The following BRCA1 variants were observed in gnomAD, a reference collection of about 807,000 sequenced individuals.
BRCA1 encodes breast cancer type 1 susceptibility protein.
A neutral mutation model predicts 173.7 loss-of-function variants in BRCA1; 140 were observed. That is an observed-to-expected ratio of 0.81 (90% CI 0.70 to 0.93). The LOEUF (loss-of-function observed/expected upper bound fraction) is 0.93. Among genes scored for constraint, BRCA1 ranks in the 40% least tolerant of loss-of-function variants. The pLI is 0.00. For missense variants in BRCA1, 1,983 were observed against 2,172.5 expected (o/e 0.91, Z 1.73); for synonymous variants, 662 against 756.0 (o/e 0.88, Z 2.04).
chr17:43,162,738 T>A (rs1483608099), intron 1 of BRCA1: 1 of 152,094 alleles, frequency 6.6e-6, no homozygotes, highest in Non-Finnish European at 1.5e-5. Context: ...CGCAATGAGT[T>A]TTCTCATGCT....
chr17:43,100,529 TATATA>T (rs2054339247), intron 6 of BRCA1, among the ~76,000 whole-genome samples: 10 of 104,166 alleles, frequency 9.6e-5, no homozygotes, highest in Non-Finnish European at 2.0e-4. Context: ...TGTGTGTATA[TATATA>T]TACATATATA....
intron 1 of BRCA1, 83 bp downstream of exon 1, chr17:43,125,188 G>A (rs1406994561): frequency 4.5e-6 from 2 of 449,136 alleles, no homozygotes; most frequent in African/African-American, 4.3e-5. Context: ...ATACCCATCT[G>A]TCAGCTTCGG....
chr17:43,080,424 C>G (rs2052950901), intron 12 of BRCA1, among the ~76,000 whole-genome samples: 1 of 152,096 alleles, frequency 6.6e-6, no homozygotes, highest in Non-Finnish European at 1.5e-5. Context: ...CTCGAGCTCC[C>G]GACCTCAGGT....
rs8176246 is a variant in BRCA1 at position 43,065,094 on chromosome 17, C to T, written c.5075-1143G>A. ...ATCTGCCCGCCTTGGCCCCCCAAAGCGCTGGGATTACAGGCCTGAGCCACC... is the reference window on the plus strand; with the variant it reads ...ATCTGCCCGCCTTGGCCCCCCAAAGTGCTGGGATTACAGGCCTGAGCCACC... On this transcript the variant is annotated intron_variant, in intron 16 of 22. Coordinates refer to ENST00000357654, the MANE Select transcript of BRCA1 (RefSeq NM_007294.4). 3.0e-3 allele frequency among the ~76,000 whole-genome samples: 456 copies of T among 152,174 alleles called. 10 individuals carry two copies. In the East Asian group the frequency reaches 0.045, roughly 15 times the overall value.
intron 11 of BRCA1, among the ~76,000 whole-genome samples, chr17:43,085,359 C>CA (rs1195977234): frequency 0.018 from 2,507 of 139,184 alleles, 27 homozygotes; most frequent in Non-Finnish European, 0.024. Flanking sequence ...AACTCTGTCT[C>CA]AAAAAAAAAA....
intron 14 of BRCA1, among the ~76,000 whole-genome samples, chr17:43,073,633 C>T (rs2052551834): frequency 6.7e-6 from 1 of 150,170 alleles, no homozygotes; most frequent in African/African-American, 2.4e-5. Context: ...TATTCATTAA[C>T]TCATAAAAAA....
intron 10 of BRCA1, 68 bp from the exon 11 acceptor site, chr17:43,091,100 T>C: frequency 7.3e-7 from 1 of 1,377,868 alleles, no homozygotes; most frequent in South Asian, 1.2e-5. Flanking sequence ...GCTGTGTCTT[T>C]TTCTTCTCAT....
chr17:43,060,315 T>C (rs2051692381), intron 18 of BRCA1, among the ~76,000 whole-genome samples: 1 of 152,088 alleles, frequency 6.6e-6, no homozygotes, highest in Non-Finnish European at 1.5e-5. Flanking sequence ...GTGCTGGGAT[T>C]ACAGGAATGA....
At chr17:43,113,418 GT>G (rs1250874176) in intron 3 of BRCA1, among the ~76,000 whole-genome samples, 1 of 151,754 alleles carries the variant, frequency 6.6e-6, no homozygotes, top group East Asian at 1.9e-4. Context: ...TCAGGCTGGA[GT>G]GCATTGGCAT....
intron 11 of BRCA1, among the ~76,000 whole-genome samples, chr17:43,082,929 T>G (rs1371991600): frequency 1.3e-5 from 2 of 152,202 alleles, no homozygotes; most frequent in Non-Finnish European, 2.9e-5. Flanking sequence ...TCTGTTAACA[T>G]TTTATTTATA....
At chr17:43,165,736 T>C (rs1451608166) in intron 1 of BRCA1, 1 of 151,750 alleles carries the variant, frequency 6.6e-6, no homozygotes, top group East Asian at 1.9e-4. Flanking sequence ...TTTCCTTTTT[T>C]TTTTCGAAGA....
At chr17:43,095,638 G>A (rs2054099854) in intron 9 of BRCA1, among the ~76,000 whole-genome samples, 1 of 151,548 alleles carries the variant, frequency 6.6e-6, no homozygotes. Context: ...ATCAGTTACA[G>A]AAGGTCTTAT....
At chr17:43,046,581 T>C (rs1449222217) in intron 22 of BRCA1, among the ~76,000 whole-genome samples, 1 of 151,616 alleles carries the variant, frequency 6.6e-6, no homozygotes, top group African/African-American at 2.4e-5. Context: ...TTAGTATTTT[T>C]AGTAGAGATG....
intron 6 of BRCA1, among the ~76,000 whole-genome samples, chr17:43,100,667 TATATATATATA>T (rs2054404049): frequency 1.8e-4 from 6 of 34,242 alleles, no homozygotes; most frequent in African/African-American, 6.5e-4. Flanking sequence ...CATATATATA[TATATATATATA>T]ATATATATAT....
chr17:43,154,418 A>G (rs1186546605), intron 1 of BRCA1, among the ~76,000 whole-genome samples: 1 of 151,788 alleles, frequency 6.6e-6, no homozygotes, highest in Non-Finnish European at 1.5e-5. Context: ...TGGGAGGCGC[A>G]GGTTGCAGTG....
chr17:43,148,335 C>A, intron 1 of BRCA1: 1 of 161,860 alleles, frequency 6.2e-6, no homozygotes, highest in Non-Finnish European at 1.3e-5. Context: ...GAGTGTTATG[C>A]GCATCCATGT....
Position 43,082,455 on chromosome 17 carries a change from A to G in BRCA1, c.4306T>C (p.Ser1436Pro). Residue 1436 changes from serine (S) to proline (P), a missense_variant, in exon 12 of 23, where the codon TCT (serine) becomes CCT (proline). Coordinates refer to ENST00000357654, the MANE Select transcript of BRCA1 (RefSeq NM_007294.4). ...TTTCGCAGGTCCTCAAGGGCAGAAG[A>G]GTCACTTATGATGGAAGGGTAGCTG... ...SNSYPSIISD[S>P]SALEDLRNPE... The G allele has an allele frequency of 1.2e-6, 2 of 1,614,052 alleles. No individual in the cohort carries two copies. Among genetic ancestry groups the G allele is most frequent in the East Asian group, 2.2e-5 (1 of 44,888 alleles).
At chr17:43,085,373 AAAG>A (rs979518318) in intron 11 of BRCA1, among the ~76,000 whole-genome samples, 13 of 152,142 alleles carry the variant, frequency 8.5e-5, no homozygotes, top group African/African-American at 2.9e-4. Context: ...AAAAAAAAGA[AAAG>A]AAAAAAACCC....
At chr17:43,166,026 G>A (rs1443252819) in intron 1 of BRCA1, 3 of 151,764 alleles carry the variant, frequency 2.0e-5, no homozygotes, top group Admixed American at 6.6e-5. Flanking sequence ...TGGTATAGAT[G>A]GCTTTTTTTT....
Sources: gnomAD v4.1 joint callset for allele counts (sites outside exome capture counted in the v4.1 genomes callset) on GRCh38, gnomAD v4.1.1 for gene constraint, MANE v1.5 for transcripts, NCBI Gene and HGNC (gene_info 2026-07-23, HGNC 2026-07-21) for gene names.